YWHAQ: variants seen among roughly 807,000 people sequenced by gnomAD.
The protein encoded by YWHAQ is 14-3-3 protein theta.
In YWHAQ, 6 loss-of-function variants were observed where a neutral mutation model predicts 28.3. That is an observed-to-expected ratio of 0.21 (90% CI 0.12 to 0.42). YWHAQ has a LOEUF of 0.42. Among genes scored for constraint, YWHAQ ranks in the 10% least tolerant of loss-of-function variants. The pLI is 1.00. For synonymous variants in YWHAQ, 143 were observed against 119.1 expected, an observed-to-expected ratio of 1.20 and a Z score of -1.31; for missense variants, 201 against 305.6, an observed-to-expected ratio of 0.66 and a Z score of 2.55.
intron 2 of YWHAQ, 78 bp from the exon 3 acceptor site, chr2:9,591,593 C>A: frequency 6.6e-7 from 1 of 1,511,906 alleles, no homozygotes. Flanking sequence ...AAACTTCTGC[C>A]TAGCGGGCAT....
chr2:9,599,816 A>G (rs372533556), intron 2 of YWHAQ, among the ~76,000 whole-genome samples: 13 of 152,360 alleles, frequency 8.5e-5, no homozygotes, highest in African/African-American at 3.1e-4. Context: ...TGCAGCCCAT[A>G]GATCAAGGAG....
In YWHAQ at chr2:9,630,455, C is replaced by CGG; in HGVS notation, c.-5_-4dup. 6.3e-7 allele frequency: 1 copy of CGG among 1,594,154 alleles called. No individual in the cohort carries two copies. Among genetic ancestry groups the CGG allele is most frequent in the Non-Finnish European group, 8.5e-7 (1 of 1,171,922 alleles). The stretch of plus-strand genomic sequence containing the variant: ...TGGATCAGCTCAGTCTTCTCCATGG[C>CGG]GGGCGCGGGGCCGGGGCCGGGGCGG... On this transcript the variant is annotated 5_prime_UTR_variant, in exon 2 of 6. Coordinates refer to ENST00000238081, the MANE Select transcript of YWHAQ (RefSeq NM_006826.4). The surrounding 1 kb of genome is among the most constrained non-coding windows in gnomAD (Gnocchi z 5.6).
Position 9,630,621 on chromosome 2 carries a change from C to A in YWHAQ, c.-82-87G>T. The A allele has an allele frequency of 1.6e-6, 1 of 608,272 alleles. No individual in the cohort carries two copies. Among genetic ancestry groups the A allele is most frequent in the Non-Finnish European group, 2.7e-6 (1 of 375,074 alleles). 37.7% of individuals were successfully genotyped at this position (608,272 alleles called of 1,614,324 possible). A position where few individuals can be genotyped will look rare whatever the true frequency, so the allele number is the denominator to read the frequency against. ...TGCGGCCCGCCGCCCGCTTTTGTCT[C>A]CCGCACACGCGGCCGCTTGAATTTC... On this transcript the variant is annotated intron_variant, in intron 1 of 5. Transcript: ENST00000238081. This position sits in a 1 kb window ranked among gnomAD's most constrained non-coding sequence, Gnocchi z 5.6.
chr2:9,619,309 G>C (rs761743560), intron 2 of YWHAQ, among the ~76,000 whole-genome samples: 11 of 152,082 alleles, frequency 7.2e-5, no homozygotes, highest in Non-Finnish European at 1.5e-4. Context: ...ACAAAATAGA[G>C]GTATACAACC....
chr2:9,587,346 G>T, intron 5 of YWHAQ, 68 bp downstream of exon 5: 1 of 1,425,354 alleles, frequency 7.0e-7, no homozygotes, highest in Non-Finnish European at 9.6e-7. Context: ...AAGACACGAA[G>T]TCCAAAATAA....
At chr2:9,596,292 T>C (rs1666568730) in intron 2 of YWHAQ, among the ~76,000 whole-genome samples, 1 of 151,850 alleles carries the variant, frequency 6.6e-6, no homozygotes, top group Non-Finnish European at 1.5e-5. Context: ...TTAACTATTG[T>C]ATAAAACAAT....
At chr2:9,610,295 T>C (rs1666918170) in intron 2 of YWHAQ, among the ~76,000 whole-genome samples, 1 of 152,232 alleles carries the variant, frequency 6.6e-6, no homozygotes, top group South Asian at 2.1e-4. Context: ...ATTTGCTCCT[T>C]ACCTAGTTGT....
intron 2 of YWHAQ, among the ~76,000 whole-genome samples, chr2:9,619,918 G>A (rs1371089329): frequency 1.3e-5 from 2 of 152,178 alleles, no homozygotes; most frequent in Non-Finnish European, 2.9e-5. Context: ...AAAATCCTGT[G>A]AGCTGCATTC....
chr2:9,593,257 T>TG (rs1491437096), intron 2 of YWHAQ, among the ~76,000 whole-genome samples: 72 of 121,574 alleles, frequency 5.9e-4, no homozygotes, highest in African/African-American at 2.2e-3. Context: ...TTTTTTTTTT[T>TG]GAGACAAAGT....
intron 2 of YWHAQ, among the ~76,000 whole-genome samples, chr2:9,605,481 A>C (rs1666805280): frequency 6.6e-6 from 1 of 152,092 alleles, no homozygotes; most frequent in South Asian, 2.1e-4. Context: ...TTTTTAAAAA[A>C]ATCCTCACTT....
intron 2 of YWHAQ, among the ~76,000 whole-genome samples, chr2:9,624,056 G>A (rs568225519): frequency 6.6e-6 from 1 of 152,018 alleles, no homozygotes; most frequent in East Asian, 1.9e-4. Context: ...AGGAGTTCAA[G>A]ACCAGCCTGG....
intron 4 of YWHAQ, 99 bp downstream of exon 4, chr2:9,588,066 A>G: frequency 7.3e-7 from 1 of 1,378,798 alleles, no homozygotes. Flanking sequence ...TATAGTAGAA[A>G]TCATCCCTGG....
chr2:9,630,472 C>T lies in YWHAQ; in HGVS notation c.-20G>A, dbSNP rs755954786. 1.3e-6 allele frequency: 2 copies of T among 1,575,890 alleles called. No homozygotes were observed. The highest frequency in any genetic ancestry group is 1.7e-6 in the Non-Finnish European group (2 of 1,164,468). ...CTCCATGGCGGGCGCGGGGCCGGGG[C>T]CGGGGCGGAGGGCGAGGAGAGCGAG... On this transcript the variant is annotated 5_prime_UTR_variant, in exon 2 of 6. Transcript: ENST00000238081. The surrounding 1 kb of genome is among the most constrained non-coding windows in gnomAD (Gnocchi z 5.6).
intron 2 of YWHAQ, among the ~76,000 whole-genome samples, chr2:9,593,323 C>T (rs1415838560): frequency 6.7e-6 from 1 of 149,718 alleles, no homozygotes; most frequent in Non-Finnish European, 1.5e-5. Flanking sequence ...ATTCTCCTGC[C>T]TCAGCCTCCC....
At chr2:9,614,745 C>T (rs1012183651) in intron 2 of YWHAQ, among the ~76,000 whole-genome samples, 4 of 152,136 alleles carry the variant, frequency 2.6e-5, no homozygotes, top group African/African-American at 9.7e-5. Context: ...GCCACTACTA[C>T]GTTATAGAAA....
chr2:9,630,480 G>GGGCGC lies in YWHAQ; in HGVS notation c.-29_-28insGCGCC. ...CGGGCGCGGGGCCGGGGCCGGGGCG[G>GGGCGC]AGGGCGAGGAGAGCGAGGGCGAGCG... On this transcript the variant is annotated 5_prime_UTR_variant, in exon 2 of 6. Transcript: ENST00000238081. This position sits in a 1 kb window ranked among gnomAD's most constrained non-coding sequence, Gnocchi z 5.6. 1.9e-6 allele frequency: 3 copies of GGGCGC among 1,560,774 alleles called. No individual in the cohort carries two copies. The highest frequency in any genetic ancestry group is 2.6e-6 in the Non-Finnish European group (3 of 1,157,436).
At chr2:9,588,122 A>G (rs749806408) in intron 4 of YWHAQ, 43 bp downstream of exon 4, 25 of 1,493,510 alleles carry the variant, frequency 1.7e-5, no homozygotes, top group Non-Finnish European at 2.2e-5. Context: ...GGTATCTCAA[A>G]TAACTGTAGC....
chr2:9,590,854 A>G (rs1029393766), intron 3 of YWHAQ, among the ~76,000 whole-genome samples: 1 of 152,218 alleles, frequency 6.6e-6, no homozygotes, highest in Non-Finnish European at 1.5e-5. Context: ...AGTTGGAGCA[A>G]GTTATACACC....
chr2:9,617,574 G>T (rs975737026), intron 2 of YWHAQ, among the ~76,000 whole-genome samples: 2 of 152,142 alleles, frequency 1.3e-5, no homozygotes, highest in Non-Finnish European at 2.9e-5. Flanking sequence ...TAATACCACT[G>T]AACTGTAGCT....
Sources: allele counts gnomAD v4.1 joint callset (sites outside exome capture counted in the v4.1 genomes callset), GRCh38; gene constraint gnomAD v4.1.1; non-coding constraint Gnocchi (gnomAD v3.1); transcripts MANE v1.5; gene names NCBI Gene and HGNC (gene_info 2026-07-23, HGNC 2026-07-21).